Variants in LOXHD1 observed in about 807,000 individuals in gnomAD.
The protein encoded by LOXHD1 is lipoxygenase homology PLAT domains 1.
Under a neutral mutation model 248.2 loss-of-function variants are expected in LOXHD1, and 205 were observed. The observed-to-expected ratio is 0.83, with a 90% confidence interval of 0.74 to 0.93. The LOEUF (loss-of-function observed/expected upper bound fraction) is 0.93, where lower values mean the gene tolerates loss of function less well. Ranked by LOEUF, LOXHD1 falls within the 40% of genes least tolerant of loss-of-function variation. The pLI is 0.00. For synonymous variants in LOXHD1, 1,113 were observed against 1,162.8 expected, an observed-to-expected ratio of 0.96 and a Z score of 0.87; for missense variants, 2,930 against 2,971.6, an observed-to-expected ratio of 0.99 and a Z score of 0.33.
chr18:46,533,792 GGCGT>G (rs1381542518), intron 27 of LOXHD1: 1 of 266,958 alleles, frequency 3.7e-6, no homozygotes, highest in African/African-American at 2.3e-5. Context: ...CGGGCGTGGT[GGCGT>G]GCGCCTGTAG....
At chr18:46,584,766 G>A (rs993810991) in intron 12 of LOXHD1, among the ~76,000 whole-genome samples, 4 of 151,974 alleles carry the variant, frequency 2.6e-5, no homozygotes, top group Non-Finnish European at 5.9e-5. Context: ...GACGTCATAA[G>A]AAAACTACAG....
chr18:46,515,027 G>A (rs542780345), intron 34 of LOXHD1, among the ~76,000 whole-genome samples: 39 of 152,280 alleles, frequency 2.6e-4, no homozygotes, highest in Middle Eastern at 6.8e-3. Context: ...TAATTTACCA[G>A]AACCATTTTC....
rs2037635603 is a variant in LOXHD1, at chr18:46,566,156, T to C, written c.2437+101A>G. On this transcript the variant is annotated intron_variant, in intron 17 of 40. Transcript: ENST00000642948. The stretch of plus-strand genomic sequence containing the variant: ...CCCTGCAGGACCCTACCAGCAGCAC[T>C]TGTCAGCAAGACCTGCTTTGCCCCA... 2.3e-6 allele frequency: 3 copies of C among 1,331,674 alleles called. No homozygotes were observed. The East Asian group carries it at 7.6e-5, about 34-fold the overall frequency. The allele number at this position is 1,331,674 out of a possible 1,614,324, so 82.5% of individuals were successfully genotyped here.
chr18:46,494,929 C>T (rs2033751176), intron 37 of LOXHD1, among the ~76,000 whole-genome samples: 1 of 145,014 alleles, frequency 6.9e-6, no homozygotes, highest in Non-Finnish European at 1.5e-5. Flanking sequence ...TCTCAGCTCA[C>T]TGCAAGCTCC....
chr18:46,594,355 A>T lies in LOXHD1; in HGVS notation c.1246T>A (p.Ser416Thr). The change falls in exon 9 of 41, where the codon TCT becomes ACT. Residue 416 changes from serine (S) to threonine (T), a missense_variant. Physicochemically the swap from Ser to Thr is moderately conservative, Grantham distance 58 (BLOSUM62 1). Coordinates refer to ENST00000642948, the MANE Select transcript of LOXHD1 (RefSeq NM_001384474.1). ...LIERQLYEMV[S>T]LRKKRLKKFP... ...CTTTTCAGCCGCTTCTTCCTGAGAG[A>T]CACCATCTCATAGAGCTGCCTCTCA... is the stretch of plus-strand genomic sequence containing the variant. The T allele has an allele frequency of 6.4e-7, 1 of 1,551,600 alleles. No individual in the cohort carries two copies. Among genetic ancestry groups the T allele is most frequent in the African/African-American group, 1.4e-5 (1 of 73,118 alleles).
At chr18:46,478,685 T>C (rs71364541) in intron 40 of LOXHD1, among the ~76,000 whole-genome samples, 300 of 152,280 alleles carry the variant, frequency 2.0e-3, no homozygotes, top group Non-Finnish European at 3.4e-3. Flanking sequence ...TTCATTTTTA[T>C]GTATTTTTAA....
Position 46,524,757 on chromosome 18 carries a change from A to G in LOXHD1, c.4691T>C (p.Leu1564Pro), listed in dbSNP as rs1358259929. 16 of 1,551,600 alleles carry G rather than the reference A, an allele frequency of 1.0e-5. No homozygotes were observed. The highest frequency in any genetic ancestry group is 1.4e-5 in the Non-Finnish European group (16 of 1,147,008). Residue 1564 changes from leucine to proline, a missense_variant, in exon 30 of 41, where the codon CTC (leucine) becomes CCC (proline). Coordinates refer to ENST00000642948, the MANE Select transcript of LOXHD1 (RefSeq NM_001384474.1). ...TCGCCCATCCTCCTTCTTCAGGGAGAGCCAGCGCCCGCATAGGAACAGGAA... is the reference window on the plus strand; with the variant it reads ...TCGCCCATCCTCCTTCTTCAGGGAGGGCCAGCGCCCGCATAGGAACAGGAA... ...DEFLFLCGRWLSLKKEDGRLE... is the reference protein window; with the variant it reads ...DEFLFLCGRWPSLKKEDGRLE...
chr18:46,547,370 G>A (rs1311599221), intron 21 of LOXHD1, among the ~76,000 whole-genome samples: 1 of 152,208 alleles, frequency 6.6e-6, no homozygotes, highest in Non-Finnish European at 1.5e-5. Flanking sequence ...GGGACATACG[G>A]GGACCTTTCC....
chr18:46,485,938 C>T (rs528562), intron 38 of LOXHD1, among the ~76,000 whole-genome samples: 14,437 of 152,000 alleles, frequency 0.095, 796 homozygotes, highest in Non-Finnish European at 0.12. Flanking sequence ...CTCTGCAATG[C>T]TGTCCTTCTG....
chr18:46,510,869 C>T (rs796385845), intron 34 of LOXHD1, among the ~76,000 whole-genome samples: 50 of 152,332 alleles, frequency 3.3e-4, no homozygotes, highest in African/African-American at 1.2e-3. Context: ...ATTGAAGCCC[C>T]ATCTGTCCCT....
chr18:46,615,608 C>T (rs779249481), intron 5 of LOXHD1, among the ~76,000 whole-genome samples: 3 of 152,038 alleles, frequency 2.0e-5, no homozygotes, highest in Non-Finnish European at 4.4e-5. Context: ...TAAGTTAAGG[C>T]TTGCTTTGTG....
intron 38 of LOXHD1, among the ~76,000 whole-genome samples, chr18:46,488,423 G>A (rs77443267): frequency 0.055 from 8,318 of 152,258 alleles, 327 homozygotes; most frequent in Non-Finnish European, 0.081. Context: ...CTTATGTCAC[G>A]CTCTGCCTTT....
intron 7 of LOXHD1, among the ~76,000 whole-genome samples, 158 bp downstream of exon 7, chr18:46,603,948 C>T (rs1434971712): frequency 1.3e-5 from 2 of 152,204 alleles, no homozygotes; most frequent in African/African-American, 4.8e-5. Flanking sequence ...CAGGCTGCAA[C>T]CCAGTGGGAC....
intron 21 of LOXHD1, among the ~76,000 whole-genome samples, chr18:46,554,683 G>T (rs2037247674): frequency 6.6e-6 from 1 of 151,844 alleles, no homozygotes; most frequent in African/African-American, 2.4e-5. Flanking sequence ...GGGGAGAGTG[G>T]AGGGAGGAAG....
chr18:46,633,122 G>C lies in LOXHD1; in HGVS notation c.511+6494C>G, dbSNP rs148401228. On this transcript the variant is annotated intron_variant, in intron 4 of 40. Coordinates refer to ENST00000642948, the MANE Select transcript of LOXHD1 (RefSeq NM_001384474.1). ...TGTTAAAATCACTTAATGAACATTT[G>C]GAATGCATTAAAAGAAGTGACCTAT... Among the ~76,000 whole-genome samples the C allele has an allele frequency of 4.9e-4, 74 of 152,252 alleles. 1 individual carries two copies. The Middle Eastern group carries it at 0.017, about 35-fold the overall frequency.
chr18:46,654,082 C>A (rs555119459), intron 1 of LOXHD1, among the ~76,000 whole-genome samples: 1 of 152,156 alleles, frequency 6.6e-6, no homozygotes, highest in African/African-American at 2.4e-5. Context: ...GCTTCCCCCT[C>A]GTGAAAGGGA....
At chr18:46,503,674 A>G (rs1295841893) in intron 37 of LOXHD1, among the ~76,000 whole-genome samples, 2 of 152,224 alleles carry the variant, frequency 1.3e-5, no homozygotes, top group East Asian at 1.9e-4. Flanking sequence ...ATATTTGAGC[A>G]TGATTTGCGA....
intron 37 of LOXHD1, among the ~76,000 whole-genome samples, chr18:46,504,707 G>T (rs1419778076): frequency 1.3e-5 from 2 of 152,232 alleles, no homozygotes; most frequent in Admixed American, 6.5e-5. Context: ...GGTTTCGTCA[G>T]TGACCGTGAC....
At position 46,601,393 on chromosome 18, in the gene LOXHD1, T is replaced by A. The variant is rs974594559; in HGVS notation, c.958A>T (p.Met320Leu). Reference sequence around the variant, plus strand: ...TTCTTATTCCCTCTGGCCCCATACATGACCAAGTAGATTTTGGATTTGGTA... The same window carrying A: ...TTCTTATTCCCTCTGGCCCCATACAAGACCAAGTAGATTTTGGATTTGGTA... ...AGTKSKIYLV[M>L]YGARGNKNSG... Residue 320 changes from methionine to leucine, a missense_variant, in exon 8 of 41, where the codon ATG becomes TTG. By Grantham distance (15) the Met-to-Leu change is conservative. Transcript: ENST00000642948. The A allele has an allele frequency of 1.3e-6, 2 of 1,551,568 alleles. No individual in the cohort carries two copies. The highest frequency in any genetic ancestry group is 2.7e-5 in the African/African-American group (2 of 73,026).
Sources: gnomAD v4.1 joint callset for allele counts (sites outside exome capture counted in the v4.1 genomes callset) on GRCh38, gnomAD v4.1.1 for gene constraint, MANE v1.5 for transcripts, NCBI Gene and HGNC (gene_info 2026-07-23, HGNC 2026-07-21) for gene names.